Variants in SPATA1 observed in about 807,000 individuals in gnomAD.
SPATA1 encodes the protein spermatogenesis-associated protein 1.
A neutral mutation model predicts 59.6 loss-of-function variants in SPATA1; 57 were observed. The ratio of observed to expected loss-of-function variants is 0.96; its 90% CI spans 0.77 to 1.19. The LOEUF is 1.19. Ranked by LOEUF, SPATA1 falls within the 50% of genes most tolerant of loss-of-function variation. The pLI is 0.00. For synonymous variants in SPATA1, 147 were observed against 163.9 expected (o/e 0.90, Z 0.79); for missense variants, 448 against 480.7 (o/e 0.93, Z 0.64).
intron 8 of SPATA1, among the ~76,000 whole-genome samples, chr1:84,543,170 T>C (rs1028185197): frequency 6.6e-5 from 10 of 152,118 alleles, no homozygotes; most frequent in Non-Finnish European, 1.0e-4. Context: ...GGGGACTAAC[T>C]GTAAGACAAA....
At chr1:84,555,193 C>A (rs1684392729), downstream of SPATA1, 6 of 1,610,416 alleles carry the variant, frequency 3.7e-6, no homozygotes, top group East Asian at 1.3e-4. Flanking sequence ...AAGTGGCCAG[C>A]AGGATCCTAT....
downstream of SPATA1, among the ~76,000 whole-genome samples, chr1:84,557,555 A>AAAAAAAAAAAAAAAAG (rs1684477309): frequency 3.3e-5 from 3 of 90,836 alleles, no homozygotes; most frequent in Non-Finnish European, 5.4e-5. Flanking sequence ...AAAAAAAAAG[A>AAAAAAAAAAAAAAAAG]AAAAAAAAAA....
intron 1 of SPATA1, among the ~76,000 whole-genome samples, chr1:84,514,739 G>A (rs1370183312): frequency 1.3e-5 from 2 of 152,178 alleles, no homozygotes; most frequent in Non-Finnish European, 2.9e-5. Flanking sequence ...GGGAGGCCGA[G>A]ACGGGCGAAT....
chr1:84,561,767 C>T (rs1210440684), intron 4 of SPATA1, among the ~76,000 whole-genome samples: 1 of 152,204 alleles, frequency 6.6e-6, no homozygotes, highest in Non-Finnish European at 1.5e-5. Flanking sequence ...CAGGTTATAA[C>T]TTGATAAAGG....
At chr1:84,517,146 C>G (rs1053615435) in intron 2 of SPATA1, among the ~76,000 whole-genome samples, 5 of 152,176 alleles carry the variant, frequency 3.3e-5, no homozygotes, top group Admixed American at 2.6e-4. Context: ...CAACAGTTGA[C>G]ACCATTAATC....
At chr1:84,513,736 G>A (rs983399577) in intron 1 of SPATA1, among the ~76,000 whole-genome samples, 5 of 151,776 alleles carry the variant, frequency 3.3e-5, no homozygotes, top group Admixed American at 6.6e-5. Context: ...CATTTTCTCC[G>A]TTCTTTATCT....
At chr1:84,532,797 G>T in intron 6 of SPATA1, 63 bp from the exon 7 acceptor site, 1 of 1,176,688 alleles carries the variant, frequency 8.5e-7, no homozygotes, top group Non-Finnish European at 1.2e-6. Flanking sequence ...AAAAACAAAC[G>T]TTTATTTTAC....
At chr1:84,561,609 T>C (rs1684595021) in intron 4 of SPATA1, among the ~76,000 whole-genome samples, 1 of 152,208 alleles carries the variant, frequency 6.6e-6, no homozygotes, top group African/African-American at 2.4e-5. Context: ...TACACAGAAA[T>C]CTTTCGTGAA....
At chr1:84,558,015 T>A (rs1258568811), downstream of SPATA1, among the ~76,000 whole-genome samples, 1 of 152,114 alleles carries the variant, frequency 6.6e-6, no homozygotes, top group African/African-American at 2.4e-5. Flanking sequence ...TACCAGAGGC[T>A]GGGGGTGGGA....
chr1:84,535,043 A>G (rs947059757), intron 8 of SPATA1, among the ~76,000 whole-genome samples: 1 of 152,200 alleles, frequency 6.6e-6, no homozygotes, highest in Non-Finnish European at 1.5e-5. Context: ...TTTTATGTAC[A>G]GAATGAGGTT....
At chr1:84,522,915 T>C (rs1683083441) in intron 4 of SPATA1, among the ~76,000 whole-genome samples, 1 of 151,904 alleles carries the variant, frequency 6.6e-6, no homozygotes, top group Non-Finnish European at 1.5e-5. Context: ...TGTCAACTTT[T>C]TTTTTTTTTT....
At chr1:84,533,651 A>G (rs1683560684) in intron 7 of SPATA1, 58 bp from the exon 8 acceptor site, 1 of 1,283,338 alleles carries the variant, frequency 7.8e-7, no homozygotes, top group South Asian at 1.4e-5. Context: ...AAAATATGAA[A>G]AGCTAATATT....
At chr1:84,531,452 C>A (rs550973414) in intron 6 of SPATA1, among the ~76,000 whole-genome samples, 2 of 152,162 alleles carry the variant, frequency 1.3e-5, no homozygotes, top group East Asian at 3.9e-4. Flanking sequence ...CATGAGCCGC[C>A]ATACCCAGCC....
intron 4 of SPATA1, among the ~76,000 whole-genome samples, chr1:84,525,480 A>G (rs764389216): frequency 1.3e-5 from 2 of 152,252 alleles, no homozygotes; most frequent in Non-Finnish European, 2.9e-5. Flanking sequence ...AGTGATAGGC[A>G]TAGTTATTAT....
At chr1:84,530,494 T>C (rs17374628) in intron 6 of SPATA1, among the ~76,000 whole-genome samples, 27,308 of 152,118 alleles carry the variant, frequency 0.18, 2,731 homozygotes, top group South Asian at 0.3. Context: ...AAGAGTTTAG[T>C]AGGTAATGGG....
At chr1:84,545,783 A>G in intron 10 of SPATA1, 24 bp downstream of exon 10, 1 of 1,430,020 alleles carries the variant, frequency 7.0e-7, no homozygotes, top group Non-Finnish European at 9.2e-7. Context: ...CATACCTTTT[A>G]TCACTATAAA....
At chr1:84,514,971 A>C (rs1682733600) in intron 1 of SPATA1, among the ~76,000 whole-genome samples, 1 of 151,524 alleles carries the variant, frequency 6.6e-6, no homozygotes, top group Admixed American at 6.6e-5. Context: ...ACTCTGTCTC[A>C]AAAAAAAAGA....
At chr1:84,566,474 G>C (rs1684702893), downstream of SPATA1, among the ~76,000 whole-genome samples, 1 of 152,190 alleles carries the variant, frequency 6.6e-6, no homozygotes. Context: ...GTTTCAGCCT[G>C]ATTCACAATC....
chr1:84,513,286 C>T (rs780480564), intron 1 of SPATA1, among the ~76,000 whole-genome samples: 20 of 152,320 alleles, frequency 1.3e-4, no homozygotes, highest in Non-Finnish European at 2.4e-4. Context: ...CAGGCATGGG[C>T]CACCATGCCC....
Sources: allele counts gnomAD v4.1 joint callset (sites outside exome capture counted in the v4.1 genomes callset), GRCh38; gene constraint gnomAD v4.1.1; transcripts MANE v1.5; gene names NCBI Gene and HGNC (gene_info 2026-07-23, HGNC 2026-07-21).